Variants in CNTN4 observed in about 807,000 individuals in gnomAD.
The protein encoded by CNTN4 is contactin-4.
A neutral mutation model predicts 122.5 loss-of-function variants in CNTN4; 77 were observed. The observed-to-expected ratio is 0.63, with a 90% CI of 0.52 to 0.76. The LOEUF (loss-of-function observed/expected upper bound fraction) is 0.76, where lower values mean the gene tolerates loss of function less well. Ranked by LOEUF, CNTN4 falls within the 30% of genes least tolerant of loss-of-function variation. The pLI is 0.00. For missense variants in CNTN4, 1,256 were observed against 1,259.1 expected, an observed-to-expected ratio of 1.00 and a Z score of 0.04; for synonymous variants, 512 against 447.0, an observed-to-expected ratio of 1.15 and a Z score of -1.83.
chr3:2,370,353 A>G (rs2150649630), intron 3 of CNTN4, among the ~76,000 whole-genome samples: 1 of 152,356 alleles, frequency 6.6e-6, no homozygotes, highest in East Asian at 1.9e-4. Context: ...TATAACTGTC[A>G]TACTTTGGTT....
intron 2 of CNTN4, among the ~76,000 whole-genome samples, chr3:2,149,192 G>C (rs1461874528): frequency 1.3e-5 from 2 of 152,168 alleles, no homozygotes; most frequent in Non-Finnish European, 2.9e-5. Context: ...TGCTCCGTCT[G>C]CCTTCTGGTG....
intron 2 of CNTN4, among the ~76,000 whole-genome samples, chr3:2,222,438 A>G (rs1332743317): frequency 2.0e-5 from 3 of 152,144 alleles, no homozygotes; most frequent in African/African-American, 7.2e-5. Context: ...GAGTAAATGT[A>G]TGTGGGCTGA....
chr3:2,223,247 C>A (rs1274311693), intron 2 of CNTN4, among the ~76,000 whole-genome samples: 1 of 152,118 alleles, frequency 6.6e-6, no homozygotes, highest in Non-Finnish European at 1.5e-5. Flanking sequence ...ACTGTTCCGT[C>A]CAGTTGCCCT....
intron 3 of CNTN4, among the ~76,000 whole-genome samples, chr3:2,436,802 A>G (rs949712130): frequency 4.7e-5 from 7 of 149,728 alleles, no homozygotes; most frequent in African/African-American, 7.3e-5. Flanking sequence ...ATTTTCTTCA[A>G]ATATATATGA....
chr3:2,173,301 T>G (rs143850685), intron 2 of CNTN4, among the ~76,000 whole-genome samples: 2 of 152,266 alleles, frequency 1.3e-5, no homozygotes, highest in East Asian at 3.9e-4. Flanking sequence ...GGGATGGTAC[T>G]AGCCGGTTGA....
At chr3:2,939,795 T>C (rs1342512342) in intron 13 of CNTN4, among the ~76,000 whole-genome samples, 1 of 152,224 alleles carries the variant, frequency 6.6e-6, no homozygotes, top group African/African-American at 2.4e-5. Context: ...TTTGTTGAAT[T>C]TGAAAAGCTT....
At position 2,291,203 on chromosome 3, in the gene CNTN4, T is replaced by C. The variant is rs185007214; in HGVS notation, c.-144-47975T>C. On this transcript the variant is annotated intron_variant, in intron 2 of 24. Transcript: ENST00000418658. ...TACCCTTCCAGCCTACCTAACTACA[T>C]TATAATTTTTTTGGTATCAGGGAGT... Among the ~76,000 whole-genome samples the C allele has an allele frequency of 2.9e-3, 447 of 152,294 alleles. 4 individuals are homozygous for C. The highest frequency in any genetic ancestry group is 0.014 in the Middle Eastern group (4 of 294).
intron 10 of CNTN4, among the ~76,000 whole-genome samples, chr3:2,888,197 C>G (rs1461824614): frequency 1.3e-5 from 2 of 152,122 alleles, no homozygotes; most frequent in African/African-American, 4.8e-5. Context: ...CTCCAGTAGA[C>G]AGAAGGGGAC....
At chr3:2,451,085 T>C (rs2048812359) in intron 3 of CNTN4, among the ~76,000 whole-genome samples, 1 of 152,190 alleles carries the variant, frequency 6.6e-6, no homozygotes, top group Non-Finnish European at 1.5e-5. Context: ...AATGTAGAGA[T>C]AGAAGGGAAG....
intron 3 of CNTN4, among the ~76,000 whole-genome samples, chr3:2,521,858 T>C (rs191815289): frequency 1.3e-5 from 2 of 152,098 alleles, no homozygotes; most frequent in Admixed American, 1.3e-4. Context: ...GGCTCAACAC[T>C]GTGGAGTGAT....
At chr3:2,500,427 A>G (rs1419831072) in intron 3 of CNTN4, among the ~76,000 whole-genome samples, 7 of 152,134 alleles carry the variant, frequency 4.6e-5, no homozygotes, top group Admixed American at 3.9e-4. Context: ...GTATAAAATT[A>G]TATTTTGACA....
chr3:2,725,060 C>T (rs2088126300), intron 4 of CNTN4, among the ~76,000 whole-genome samples: 1 of 152,164 alleles, frequency 6.6e-6, no homozygotes, highest in Non-Finnish European at 1.5e-5. Context: ...TCCTATTAAA[C>T]AGAAAAATAT....
intron 4 of CNTN4, among the ~76,000 whole-genome samples, chr3:2,574,032 CAT>C (rs1184186875): frequency 6.6e-6 from 1 of 152,126 alleles, no homozygotes. Context: ...GCCTGACCAA[CAT>C]GAAGAAGCCC....
At chr3:2,877,983 C>T (rs562030019) in intron 8 of CNTN4, among the ~76,000 whole-genome samples, 4 of 152,284 alleles carry the variant, frequency 2.6e-5, no homozygotes, top group Admixed American at 6.5e-5. Flanking sequence ...TGTTCCAAAA[C>T]GATGTTCATA....
intron 2 of CNTN4, among the ~76,000 whole-genome samples, chr3:2,120,895 A>G (rs915456259): frequency 6.6e-6 from 1 of 152,128 alleles, no homozygotes; most frequent in African/African-American, 2.4e-5. Context: ...CTATTATCTC[A>G]ATTAAACCTA....
intron 6 of CNTN4, among the ~76,000 whole-genome samples, chr3:2,817,906 T>A (rs534763554): frequency 2.5e-4 from 38 of 152,320 alleles, no homozygotes; most frequent in African/African-American, 9.1e-4. Flanking sequence ...ACCATTTCCA[T>A]AAAGACAAGA....
intron 3 of CNTN4, among the ~76,000 whole-genome samples, chr3:2,447,331 T>C (rs555635054): frequency 1.3e-5 from 2 of 152,170 alleles, no homozygotes; most frequent in Non-Finnish European, 2.9e-5. Context: ...ATTCTAATTA[T>C]CTAATGTCTT....
chr3:2,620,891 C>G (rs1488270358), intron 4 of CNTN4, among the ~76,000 whole-genome samples: 3 of 152,088 alleles, frequency 2.0e-5, no homozygotes, highest in Admixed American at 6.6e-5. Context: ...GGATCCTCTT[C>G]TGGACATTGA....
In CNTN4 at chr3:2,932,657, G is replaced by T. The variant is rs1017543082; in HGVS notation, c.1358+6878G>T. Among the ~76,000 whole-genome samples, 125 of 152,018 alleles carry T rather than the reference G, an allele frequency of 8.2e-4. 2 individuals carry two copies. Among genetic ancestry groups the T allele is most frequent in the Non-Finnish European group, 1.2e-4 (8 of 68,030 alleles). ...TTCGCCAGGGTTGAGGACATGGCTG[G>T]GAAATACATACGTCACTGGAGCATC... On this transcript the variant is annotated intron_variant, in intron 13 of 24. Transcript: ENST00000418658.
Sources: gnomAD v4.1 joint callset for allele counts (sites outside exome capture counted in the v4.1 genomes callset) on GRCh38, gnomAD v4.1.1 for gene constraint, MANE v1.5 for transcripts, NCBI Gene and HGNC (gene_info 2026-07-23, HGNC 2026-07-21) for gene names.